Variants in SV2C observed in about 807,000 individuals in gnomAD.
The protein encoded by SV2C is solute carrier family 22 member B3.
Under a neutral mutation model 79.7 loss-of-function variants are expected in SV2C, and 49 were observed. The ratio of observed to expected loss-of-function variants is 0.61; its 90% confidence interval spans 0.49 to 0.78. The LOEUF is 0.78. Among genes scored for constraint, SV2C ranks in the 30% least tolerant of loss-of-function variants. SV2C has a pLI of 0.00. For synonymous variants in SV2C, 334 were observed against 333.2 expected (o/e 1.00, Z -0.03); for missense variants, 833 against 912.9 (o/e 0.91, Z 1.13).
the SV2C span, among the ~76,000 whole-genome samples, chr5:76,075,095 A>G: frequency 6.6e-6 from 1 of 152,208 alleles, no homozygotes; most frequent in Non-Finnish European, 1.5e-5. Flanking sequence ...ATGGCACACC[A>G]GGGTTCTGGC....
chr5:76,254,215 T>C (rs1746200122), intron 4 of SV2C, among the ~76,000 whole-genome samples: 1 of 136,494 alleles, frequency 7.3e-6, no homozygotes, highest in Admixed American at 7.6e-5. Flanking sequence ...TGTATATATA[T>C]GTGTGTGTAT....
intron 3 of SV2C, among the ~76,000 whole-genome samples, chr5:76,201,645 A>G (rs1411002786): frequency 9.2e-5 from 14 of 152,194 alleles, no homozygotes; most frequent in Admixed American, 9.2e-4. Context: ...AGAATGCTTT[A>G]TATGTAGCAT....
intron 1 of SV2C, among the ~76,000 whole-genome samples, chr5:76,104,369 A>G (rs1747835982): frequency 6.6e-6 from 1 of 152,216 alleles, no homozygotes; most frequent in South Asian, 2.1e-4. Context: ...TCATATTTCT[A>G]TATTTATCAG....
the SV2C span, among the ~76,000 whole-genome samples, chr5:75,999,283 C>CATAT: frequency 7.1e-6 from 1 of 140,400 alleles, no homozygotes; most frequent in Non-Finnish European, 1.5e-5. Flanking sequence ...TGTGTATGTA[C>CATAT]ATATATATAC....
intron 2 of SV2C, among the ~76,000 whole-genome samples, chr5:76,150,337 C>A (rs13159167): frequency 3.3e-5 from 5 of 151,722 alleles, no homozygotes; most frequent in Admixed American, 2.6e-4. Context: ...GCCACCACGC[C>A]CAGCTAATTT....
In SV2C at chr5:76,084,446, C is replaced by T. The variant is rs574701716; in HGVS notation, c.-102+934C>T. Among the ~76,000 whole-genome samples, 7 of 152,202 alleles carry T rather than the reference C, an allele frequency of 4.6e-5. No individual in the cohort carries two copies. The South Asian group carries it at 1.5e-3, about 32-fold the overall frequency. On this transcript the variant is annotated intron_variant, in intron 1 of 12. Coordinates refer to ENST00000502798, the MANE Select transcript of SV2C (RefSeq NM_014979.4). ...TTTCTCCAGAGCGTCGCGGGGAGCGCCCCGGGCTGGGCCCACGGGGACTGC... is the reference window on the plus strand; with the variant it reads ...TTTCTCCAGAGCGTCGCGGGGAGCGTCCCGGGCTGGGCCCACGGGGACTGC...
At chr5:76,349,514 T>G (rs2112591118) in intron 12 of SV2C, among the ~76,000 whole-genome samples, 2 of 152,120 alleles carry the variant, frequency 1.3e-5, no homozygotes, top group Admixed American at 1.3e-4. Context: ...CAAGACTTCA[T>G]CTCAAAAAAT....
At chr5:76,070,047 A>G in the SV2C span, among the ~76,000 whole-genome samples, 2 of 152,062 alleles carry the variant, frequency 1.3e-5, no homozygotes, top group African/African-American at 4.8e-5. Flanking sequence ...CTCTCAGGTC[A>G]TCTTCCACAG....
chr5:75,922,511 G>T, the SV2C span, among the ~76,000 whole-genome samples: 5 of 152,306 alleles, frequency 3.3e-5, no homozygotes, highest in African/African-American at 1.2e-4. Context: ...TTTACTAAAG[G>T]TGAGAATGTA....
At chr5:76,231,158 C>A (rs73766727) in intron 4 of SV2C, among the ~76,000 whole-genome samples, 10,696 of 152,164 alleles carry the variant, frequency 0.07, 1,209 homozygotes, top group African/African-American at 0.24. Context: ...TTTTCTTTGG[C>A]CTTCAAAGAC....
chr5:76,202,886 C>T (rs151207246), intron 3 of SV2C, among the ~76,000 whole-genome samples: 148 of 152,176 alleles, frequency 9.7e-4, no homozygotes, highest in Middle Eastern at 3.4e-3. Flanking sequence ...ATTGATTACA[C>T]GTTAAAATAA....
At chr5:76,035,083 T>A in the SV2C span, among the ~76,000 whole-genome samples, 1 of 152,166 alleles carries the variant, frequency 6.6e-6, no homozygotes, top group Non-Finnish European at 1.5e-5. Context: ...TTCTGTGGGA[T>A]CAGTGGTGAT....
At chr5:76,143,911 A>T (rs996887749) in intron 2 of SV2C, among the ~76,000 whole-genome samples, 1 of 152,246 alleles carries the variant, frequency 6.6e-6, no homozygotes, top group Non-Finnish European at 1.5e-5. Flanking sequence ...CAGAATCAAA[A>T]ACCCTAAATT....
the SV2C span, among the ~76,000 whole-genome samples, chr5:76,013,972 T>A: frequency 6.6e-6 from 1 of 152,058 alleles, no homozygotes. Flanking sequence ...TAAAGCATAT[T>A]TTAGTTATAG....
chr5:76,271,195 C>T (rs1022068416), intron 4 of SV2C, among the ~76,000 whole-genome samples: 4 of 152,202 alleles, frequency 2.6e-5, no homozygotes, highest in African/African-American at 9.6e-5. Flanking sequence ...CCATGATTTT[C>T]TATGTTTCTT....
intron 1 of SV2C, among the ~76,000 whole-genome samples, chr5:76,119,583 C>G (rs1177197356): frequency 6.6e-6 from 1 of 152,080 alleles, no homozygotes; most frequent in African/African-American, 2.4e-5. Flanking sequence ...AATGGAAACC[C>G]TGAGCCTGCC....
At chr5:76,265,293 C>T (rs898890279) in intron 4 of SV2C, among the ~76,000 whole-genome samples, 7 of 152,164 alleles carry the variant, frequency 4.6e-5, no homozygotes, top group Non-Finnish European at 1.0e-4. Context: ...ATGGCGGACG[C>T]CCCTGCCCCC....
intron 2 of SV2C, among the ~76,000 whole-genome samples, chr5:76,177,346 G>A (rs6414969): frequency 0.59 from 88,928 of 151,010 alleles, 28,085 homozygotes; most frequent in East Asian, 0.91. Flanking sequence ...TCCAGGACCC[G>A]CTAGTGATAC....
chr5:76,061,755 G>A, the SV2C span, among the ~76,000 whole-genome samples: 2 of 152,076 alleles, frequency 1.3e-5, no homozygotes, highest in African/African-American at 4.8e-5. Flanking sequence ...AGAGTATTTA[G>A]AGAGGTATAG....
Sources: allele counts gnomAD v4.1 joint callset (sites outside exome capture counted in the v4.1 genomes callset), GRCh38; gene constraint gnomAD v4.1.1; transcripts MANE v1.5; gene names NCBI Gene and HGNC (gene_info 2026-07-23, HGNC 2026-07-21).